VIRMA: variants seen among roughly 807,000 people sequenced by gnomAD.
VIRMA encodes the protein protein virilizer homolog.
VIRMA carries 65 observed loss-of-function variants against 182.4 expected under a neutral mutation model. That is an observed-to-expected ratio of 0.36 (90% CI 0.29 to 0.44). The LOEUF is 0.44. Ranked by LOEUF, VIRMA falls within the 20% of genes least tolerant of loss-of-function variation. The probability of loss-of-function intolerance (pLI) is 1.00; values close to 1 mark genes in which losing one functional copy is unlikely to be tolerated. For synonymous variants in VIRMA, 709 were observed against 743.1 expected, an observed-to-expected ratio of 0.95 and a Z score of 0.75; for missense variants, 1,752 against 2,158.1, an observed-to-expected ratio of 0.81 and a Z score of 3.73.
rs79699194 is a variant in VIRMA at position 94,490,109 on chromosome 8, C to G, written c.5141-27G>C. ...TAAACACAAACAGCACAATCAAAAT[C>G]ACTTTTTTCACAACTTCAGTTGGAT... On this transcript the variant is annotated intron_variant, in intron 22 of 23. Transcript: ENST00000297591. The G allele has an allele frequency of 2.6e-4, 405 of 1,573,988 alleles. 2 individuals are homozygous for G. In the African/African-American group the frequency reaches 4.8e-3, roughly 19 times the overall value.
chr8:94,511,383 G>T lies in VIRMA; in HGVS notation c.3192C>A (p.Ile1064=), dbSNP rs1814368129. Residue 1064 remains isoleucine, a synonymous_variant, in exon 13 of 24, where the codon ATC becomes ATA. Transcript: ENST00000297591. ...DSDEQKIQND[I]IDILLTFTQG... is the part of the protein sequence containing the mutation. ...GTGTAAAAGTCAGTAAAATATCAAT[G>T]ATATCATTCTGAATTTTCTGTTCAT... 4.3e-6 allele frequency: 7 copies of T among 1,613,714 alleles called. No homozygotes were observed. The highest frequency in any genetic ancestry group is 5.9e-6 in the Non-Finnish European group (7 of 1,179,892).
intron 11 of VIRMA, among the ~76,000 whole-genome samples, chr8:94,512,895 G>A (rs1053068442): frequency 6.6e-6 from 1 of 152,204 alleles, no homozygotes; most frequent in African/African-American, 2.4e-5. Context: ...TACCAACAGA[G>A]TCTAGTATTG....
In VIRMA at chr8:94,547,981, G is replaced by A. The variant is rs1237790759; in HGVS notation, c.64-4039C>T. On this transcript the variant is annotated intron_variant, in intron 1 of 23. Transcript: ENST00000297591. ...ATCGCCCAGGTCAAAGTTGTAGTAA[G>A]CCATAAGCACACCACTGCACTCCAA... 5.7e-5 allele frequency among the ~76,000 whole-genome samples: 8 copies of A among 139,778 alleles called. No homozygotes were observed. The East Asian group carries it at 1.5e-3, about 27-fold the overall frequency. 91.7% of individuals were successfully genotyped at this position (139,778 alleles called of 152,430 possible).
chr8:94,504,620 A>G (rs1814093891), intron 16 of VIRMA, among the ~76,000 whole-genome samples: 1 of 152,172 alleles, frequency 6.6e-6, no homozygotes, highest in South Asian at 2.1e-4. Context: ...CGAATTTTAG[A>G]GAGCCAAATG....
rs753306720 is a variant in VIRMA at position 94,488,747 on chromosome 8, C to A, written c.5398G>T (p.Gly1800Cys). Reference sequence around the variant, plus strand: ...CGTACATGACGACCTCTACCACTGCCTCCACTAACAAACTTTCCTCTTGAG... The same window carrying A: ...CGTACATGACGACCTCTACCACTGCATCCACTAACAAACTTTCCTCTTGAG... ...GGSRGKFVSG[G>C]SGRGRHVRSF... The change falls in exon 24 of 24, where the codon GGC (glycine) becomes TGC (cysteine). Residue 1800 changes from glycine (G) to cysteine (C), a missense_variant. Transcript: ENST00000297591. 2 of 1,614,110 alleles carry A rather than the reference C, an allele frequency of 1.2e-6. No individual in the cohort carries two copies.
At chr8:94,512,620 T>A (rs563745251) in intron 11 of VIRMA, among the ~76,000 whole-genome samples, 7 of 152,064 alleles carry the variant, frequency 4.6e-5, no homozygotes, top group African/African-American at 1.4e-4. Flanking sequence ...CTACAAAATA[T>A]TAAAAAATCA....
chr8:94,530,691 TG>T (rs1447488692), intron 6 of VIRMA, among the ~76,000 whole-genome samples: 1 of 152,154 alleles, frequency 6.6e-6, no homozygotes, highest in African/African-American at 2.4e-5. Context: ...CTAAGGCAGA[TG>T]GATCACTTTA....
chr8:94,507,901 ATGTATATATGTATG>A (rs1441807195), intron 15 of VIRMA, among the ~76,000 whole-genome samples: 13 of 149,198 alleles, frequency 8.7e-5, no homozygotes, highest in African/African-American at 2.7e-4. Context: ...ATGTATATAT[ATGTATATATGTATG>A]TGTATATATG....
intron 1 of VIRMA, among the ~76,000 whole-genome samples, chr8:94,546,536 A>T (rs977338948): frequency 6.0e-5 from 9 of 151,002 alleles, no homozygotes; most frequent in East Asian, 5.8e-4. Context: ...ATCCTAATTG[A>T]TTTTGTGCTT....
rs752822435 is a variant in VIRMA at position 94,491,777 on chromosome 8, A to G, written c.4941T>C (p.Ser1647=). The change falls in exon 22 of 24, where the codon AGT becomes AGC. Residue 1647 remains serine, a synonymous_variant. Coordinates refer to ENST00000297591, the MANE Select transcript of VIRMA (RefSeq NM_015496.5). ...CATCCACATGCATAGATGGTGGTCT[A>G]CTTGTGTTCTGTTTTCTCTGACGAA... ...DIFRQRKQNT[S]RPPSMHVDDF... 3 of 1,613,790 alleles carry G rather than the reference A, an allele frequency of 1.9e-6. No individual in the cohort carries two copies. The highest frequency in any genetic ancestry group is 2.2e-5 in the South Asian group (2 of 91,046).
chr8:94,499,267 C>T, intron 17 of VIRMA, 107 bp downstream of exon 17: 1 of 753,670 alleles, frequency 1.3e-6, no homozygotes, highest in Non-Finnish European at 2.0e-6. Context: ...CACCAGAGTG[C>T]TGAGATTACA....
intron 22 of VIRMA, 134 bp from the exon 23 acceptor site, chr8:94,490,216 T>G: frequency 1.1e-6 from 1 of 932,584 alleles, no homozygotes; most frequent in Non-Finnish European, 1.6e-6. Context: ...TACTATATAG[T>G]GGCAACATCA....
At chr8:94,537,765 A>G (rs1269688146) in intron 3 of VIRMA, among the ~76,000 whole-genome samples, 2 of 152,112 alleles carry the variant, frequency 1.3e-5, no homozygotes, top group African/African-American at 4.8e-5. Context: ...TGCAGACATC[A>G]CAACAACAGG....
intron 2 of VIRMA, among the ~76,000 whole-genome samples, chr8:94,538,654 G>C (rs566060393): frequency 2.0e-5 from 3 of 152,014 alleles, no homozygotes; most frequent in Admixed American, 6.6e-5. Flanking sequence ...TGTTACCCAA[G>C]CTGGAGTGCA....
chr8:94,501,737 C>T (rs933478503), intron 16 of VIRMA, among the ~76,000 whole-genome samples: 1 of 152,080 alleles, frequency 6.6e-6, no homozygotes, highest in Non-Finnish European at 1.5e-5. Flanking sequence ...ACAGGTGGAT[C>T]ACTTGAGCCC....
rs376304447 is a variant in VIRMA, at chr8:94,526,108, A to C, written c.2021+115T>G. On this transcript the variant is annotated intron_variant, in intron 8 of 23. Coordinates refer to ENST00000297591, the MANE Select transcript of VIRMA (RefSeq NM_015496.5). Reference sequence around the variant, plus strand: ...ACTAAATAACCGTTTTGAAATATCAAGTATCCTTACACATAAATAAGTTAC... The same window carrying C: ...ACTAAATAACCGTTTTGAAATATCACGTATCCTTACACATAAATAAGTTAC... The C allele has an allele frequency of 6.8e-6, 5 of 738,472 alleles. No homozygotes were observed. The Admixed American group carries it at 1.2e-4, about 17-fold the overall frequency. The allele number at this position is 738,472 out of a possible 1,614,324, so 45.7% of individuals were successfully genotyped here.
At chr8:94,491,944 C>A in intron 21 of VIRMA, 35 bp from the exon 22 acceptor site, 1 of 1,464,136 alleles carries the variant, frequency 6.8e-7, no homozygotes, top group Non-Finnish European at 9.1e-7. Flanking sequence ...AAACATTTTT[C>A]TTTCAGGTTT....
chr8:94,543,579 G>GT (rs1236184703), intron 2 of VIRMA, among the ~76,000 whole-genome samples: 1 of 149,664 alleles, frequency 6.7e-6, no homozygotes, highest in Non-Finnish European at 1.5e-5. Context: ...AACACCATCA[G>GT]TTAAAAAAAA....
In VIRMA at chr8:94,510,704, T is replaced by C. The variant is rs1814337419; in HGVS notation, c.3391-52A>G. 3 of 1,328,068 alleles carry C rather than the reference T, an allele frequency of 2.3e-6. 1 individual carries two copies. The Admixed American group carries it at 5.6e-5, about 25-fold the overall frequency. The allele number at this position is 1,328,068 out of a possible 1,614,324, so 82.3% of individuals were successfully genotyped here. On this transcript the variant is annotated intron_variant, in intron 13 of 23. Transcript: ENST00000297591. ...ACGTAGATTTTTTAATATTTATTTA[T>C]AGTCACAAAAACTGTTCAGGAAGAA...
Sources: allele counts gnomAD v4.1 joint callset (sites outside exome capture counted in the v4.1 genomes callset), GRCh38; gene constraint gnomAD v4.1.1; transcripts MANE v1.5; gene names NCBI Gene and HGNC (gene_info 2026-07-23, HGNC 2026-07-21).